The following FOXP1 variants were observed in gnomAD, a reference collection of about 807,000 sequenced individuals.
FOXP1 encodes forkhead box P1, also known as forkhead box protein P1.
A neutral mutation model predicts 98.2 loss-of-function variants in FOXP1; 15 were observed. The observed-to-expected ratio is 0.15, with a 90% CI of 0.10 to 0.24. The LOEUF (loss-of-function observed/expected upper bound fraction) is 0.24, where lower values mean the gene tolerates loss of function less well. FOXP1 is among the 10% of genes least tolerant of loss of function. The probability of loss-of-function intolerance (pLI) is 1.00; values close to 1 mark genes in which losing one functional copy is unlikely to be tolerated. For missense variants in FOXP1, 633 were observed against 848.5 expected (o/e 0.75, Z 3.15); for synonymous variants, 371 against 314.5 (o/e 1.18, Z -1.90).
At chr3:71,467,367 G>C (rs2088878695) in intron 3 of FOXP1, among the ~76,000 whole-genome samples, 1 of 152,228 alleles carries the variant, frequency 6.6e-6, no homozygotes, top group African/African-American at 2.4e-5. Flanking sequence ...TGGATGGGTA[G>C]ATGGATGAAA....
chr3:71,263,928 T>A (rs542576533), intron 5 of FOXP1, among the ~76,000 whole-genome samples: 15 of 151,292 alleles, frequency 9.9e-5, no homozygotes, highest in East Asian at 9.7e-4. Flanking sequence ...TTTTTTTTTT[T>A]AAATTAGAGA....
chr3:71,133,555 TAG>T (rs1455661995), intron 6 of FOXP1, among the ~76,000 whole-genome samples: 1 of 152,194 alleles, frequency 6.6e-6, no homozygotes, highest in Non-Finnish European at 1.5e-5. Context: ...GTGGCCATTG[TAG>T]AGACCAAGAA....
At chr3:71,145,702 T>C (rs1319702099) in intron 6 of FOXP1, among the ~76,000 whole-genome samples, 1 of 152,186 alleles carries the variant, frequency 6.6e-6, no homozygotes, top group Non-Finnish European at 1.5e-5. Context: ...TTTTCATAGG[T>C]GTATAGTGGT....
intron 7 of FOXP1, among the ~76,000 whole-genome samples, chr3:71,107,144 G>C (rs970847710): frequency 1.3e-5 from 2 of 152,084 alleles, no homozygotes; most frequent in African/African-American, 4.8e-5. Context: ...GGGCAGACTG[G>C]GACACAGGGC....
intron 6 of FOXP1, among the ~76,000 whole-genome samples, chr3:71,135,464 T>C (rs2059780381): frequency 6.6e-6 from 1 of 151,988 alleles, no homozygotes; most frequent in Non-Finnish European, 1.5e-5. Flanking sequence ...TAGTTCCCCT[T>C]TGAAAGTTCT....
At chr3:71,033,646 C>T (rs917313991) in intron 11 of FOXP1, among the ~76,000 whole-genome samples, 1 of 149,700 alleles carries the variant, frequency 6.7e-6, no homozygotes, top group African/African-American at 2.5e-5. Flanking sequence ...AAACCCTTCC[C>T]TTATGGCATG....
chr3:70,959,592 C>G (rs1575652949), intron 20 of FOXP1, among the ~76,000 whole-genome samples: 1 of 152,184 alleles, frequency 6.6e-6, no homozygotes, highest in Non-Finnish European at 1.5e-5. Flanking sequence ...CTGAGTTGTG[C>G]TAGCCACATT....
intron 3 of FOXP1, among the ~76,000 whole-genome samples, chr3:71,465,709 T>A (rs2088639254): frequency 6.6e-6 from 1 of 152,216 alleles, no homozygotes; most frequent in South Asian, 2.1e-4. Flanking sequence ...TTTCCATCCA[T>A]CTAAGCTAGG....
chr3:70,977,623 A>G lies in FOXP1; in HGVS notation c.1428+20T>C. The G allele has an allele frequency of 6.3e-7, 1 of 1,575,074 alleles. No individual in the cohort carries two copies. The highest frequency in any genetic ancestry group is 8.7e-7 in the Non-Finnish European group (1 of 1,145,180). On this transcript the variant is annotated intron_variant, in intron 16 of 20. Transcript: ENST00000649528. ...CATATACCTTCTGACAGAATTTCAT[A>G]TACTGTGTTATTTACTTACCTGCCT...
In FOXP1 at chr3:71,031,745, C is replaced by CA. The variant is rs142214708; in HGVS notation, c.869+9582dup. Among the ~76,000 whole-genome samples, 844 of 151,618 alleles carry CA rather than the reference C, an allele frequency of 5.6e-3. 7 individuals carry two copies. The highest frequency in any genetic ancestry group is 0.02 in the African/African-American group (811 of 41,346). On this transcript the variant is annotated intron_variant, in intron 11 of 20. Coordinates refer to ENST00000649528, the MANE Select transcript of FOXP1 (RefSeq NM_001349338.3). ...AATGCTAAACAAACAAACAAACAAA[C>CA]AAAAAACAAAAAAAGAGGTGGGGAA...
In FOXP1 at chr3:71,158,708, T is replaced by A. The variant is rs538971421; in HGVS notation, c.180+39494A>T. ...GGTAAAGTCATTTGACCTCTGGAATTCTCTTTCAGCCCACAGACCAAAAAA... is the reference window on the plus strand; with the variant it reads ...GGTAAAGTCATTTGACCTCTGGAATACTCTTTCAGCCCACAGACCAAAAAA... On this transcript the variant is annotated intron_variant, in intron 6 of 20. Transcript: ENST00000649528. Among the ~76,000 whole-genome samples the A allele has an allele frequency of 3.9e-4, 57 of 146,130 alleles. No individual in the cohort carries two copies. The Middle Eastern group carries it at 0.014, about 35-fold the overall frequency.
intron 5 of FOXP1, among the ~76,000 whole-genome samples, chr3:71,266,337 C>T (rs2069656929): frequency 6.6e-6 from 1 of 152,030 alleles, no homozygotes; most frequent in Admixed American, 6.6e-5. Flanking sequence ...GCAACCTCTG[C>T]CCCCCAGGTT....
At chr3:71,008,501 A>G (rs2043092097) in intron 12 of FOXP1, among the ~76,000 whole-genome samples, 1 of 152,160 alleles carries the variant, frequency 6.6e-6, no homozygotes, top group African/African-American at 2.4e-5. Flanking sequence ...GGACGATTTC[A>G]TTAGAGTTAG....
chr3:71,157,055 G>A (rs558122835), intron 6 of FOXP1, among the ~76,000 whole-genome samples: 2 of 152,330 alleles, frequency 1.3e-5, no homozygotes, highest in Admixed American at 6.5e-5. Flanking sequence ...GAGAGTGGAG[G>A]AGCATACACT....
chr3:71,539,589 A>G (rs545795164), intron 2 of FOXP1, among the ~76,000 whole-genome samples: 58 of 152,228 alleles, frequency 3.8e-4, no homozygotes, highest in African/African-American at 1.3e-3. Flanking sequence ...CTTGATAACA[A>G]TAAGTCTTCC....
chr3:71,583,426 G>GTTT, intron 1 of FOXP1, 145 bp downstream of exon 1: 4 of 727,628 alleles, frequency 5.5e-6, no homozygotes, highest in Non-Finnish European at 6.6e-6. Flanking sequence ...GAAAGTAGTT[G>GTTT]TTTTTTTTTT....
At chr3:71,438,323 G>A (rs540001671) in intron 3 of FOXP1, among the ~76,000 whole-genome samples, 6 of 152,262 alleles carry the variant, frequency 3.9e-5, no homozygotes, top group Non-Finnish European at 5.9e-5. Context: ...TACATCGGCC[G>A]GAAAGTACTG....
At chr3:71,036,670 C>T (rs2047638889) in intron 11 of FOXP1, among the ~76,000 whole-genome samples, 1 of 152,090 alleles carries the variant, frequency 6.6e-6, no homozygotes, top group South Asian at 2.1e-4. Context: ...TTTGGATCTG[C>T]CTGTGTGTAA....
At chr3:70,973,244 G>GCCCCCGCCCCGC (rs747949694) in intron 17 of FOXP1, among the ~76,000 whole-genome samples, 1 of 58,920 alleles carries the variant, frequency 1.7e-5, no homozygotes. Context: ...CCCCGCCCCC[G>GCCCCCGCCCCGC]CCCCGCCCCG....
Sources: gnomAD v4.1 joint callset for allele counts (sites outside exome capture counted in the v4.1 genomes callset) on GRCh38, gnomAD v4.1.1 for gene constraint, MANE v1.5 for transcripts, NCBI Gene and HGNC (gene_info 2026-07-23, HGNC 2026-07-21) for gene names.